Variants in ATP13A5 observed in about 807,000 individuals in gnomAD.
The protein encoded by ATP13A5 is ATPase 13A5, also known as probable cation-transporting ATPase 13A5.
A neutral mutation model predicts 150.2 loss-of-function variants in ATP13A5; 149 were observed. The ratio of observed to expected loss-of-function variants is 0.99; its 90% CI spans 0.87 to 1.14. The LOEUF is 1.14. ATP13A5 is among the 50% of genes most tolerant of loss of function. The probability of loss-of-function intolerance (pLI) is 0.00; values close to 1 mark genes in which losing one functional copy is unlikely to be tolerated. For missense variants in ATP13A5, 1,383 were observed against 1,449.3 expected (o/e 0.95, Z 0.74); for synonymous variants, 497 against 522.2 (o/e 0.95, Z 0.66).
rs1404870008 is a variant in ATP13A5, at chr3:193,333,137, T to TCA, written c.1272+612_1272+613insTG. On this transcript the variant is annotated intron_variant, in intron 11 of 29. Transcript: ENST00000342358. ...AATATTCACTGCCCACCTCTCTCTC[T>TCA]CTCACACACACACACACACAAACAC... 9.8e-3 allele frequency among the ~76,000 whole-genome samples: 1,478 copies of TCA among 150,880 alleles called. 22 individuals carry two copies. The highest frequency in any genetic ancestry group is 0.035 in the African/African-American group (1,420 of 40,810).
intron 17 of ATP13A5, 58 bp downstream of exon 17, chr3:193,318,933 A>T: frequency 8.3e-7 from 1 of 1,205,608 alleles, no homozygotes; most frequent in South Asian, 1.2e-5. Context: ...GTTCATCTCC[A>T]GGACTCGCAC....
intron 25 of ATP13A5, among the ~76,000 whole-genome samples, chr3:193,298,464 G>A (rs1378006519): frequency 6.6e-6 from 1 of 151,982 alleles, no homozygotes; most frequent in African/African-American, 2.4e-5. Flanking sequence ...AATTCTCAAG[G>A]TTATTAATAT....
intron 17 of ATP13A5, among the ~76,000 whole-genome samples, chr3:193,316,388 A>T (rs1366519100): frequency 2.0e-5 from 3 of 152,128 alleles, no homozygotes; most frequent in Non-Finnish European, 4.4e-5. Context: ...AATTAAAAAC[A>T]TTCTATTTTT....
At chr3:193,343,021 T>A (rs1712188556) in intron 9 of ATP13A5, among the ~76,000 whole-genome samples, 1 of 152,192 alleles carries the variant, frequency 6.6e-6, no homozygotes. Context: ...TTAACTACAT[T>A]TTCTTGTCTC....
chr3:193,374,299 CACAGAGAG>C (rs1210866572), intron 1 of ATP13A5, among the ~76,000 whole-genome samples: 105 of 116,074 alleles, frequency 9.0e-4, no homozygotes, highest in African/African-American at 3.3e-3. Context: ...CACACACACA[CACAGAGAG>C]AGAGAGAGGA....
chr3:193,321,852 A>C lies in ATP13A5; in HGVS notation c.1759-15T>G. ...TCCACTGGACTCTGCAAGCCCATCA[A>C]CAACAGGGAGCTTAACAAGCTGCTA... On this transcript the variant is annotated splice_polypyrimidine_tract_variant and intron_variant, in intron 15 of 29. Transcript: ENST00000342358. The C allele has an allele frequency of 2.5e-6, 4 of 1,611,464 alleles. No individual in the cohort carries two copies. Among genetic ancestry groups the C allele is most frequent in the Non-Finnish European group, 3.4e-6 (4 of 1,178,166 alleles).
chr3:193,341,363 G>C (rs1167953225), intron 9 of ATP13A5, among the ~76,000 whole-genome samples: 1 of 152,120 alleles, frequency 6.6e-6, no homozygotes, highest in Non-Finnish European at 1.5e-5. Flanking sequence ...TAAGAACAAA[G>C]TTTTTCTGCT....
intron 26 of ATP13A5, among the ~76,000 whole-genome samples, chr3:193,286,710 A>T (rs1214423778): frequency 6.6e-6 from 1 of 152,130 alleles, no homozygotes; most frequent in Non-Finnish European, 1.5e-5. Context: ...TAATATCGAA[A>T]TCTGTTCAAT....
chr3:193,345,164 T>A (rs748528327), intron 7 of ATP13A5, 89 bp from the exon 8 acceptor site: 20 of 1,261,892 alleles, frequency 1.6e-5, no homozygotes, highest in Non-Finnish European at 2.2e-5. Context: ...AGGCCAGCTG[T>A]CACAGCTAAA....
intron 22 of ATP13A5, chr3:193,307,036 T>G (rs1267618606): frequency 5.7e-6 from 5 of 872,220 alleles, no homozygotes; most frequent in Admixed American, 6.2e-5. Flanking sequence ...CAGGAAAGAT[T>G]TAAAGCAGAT....
chr3:193,284,731 T>G (rs1408878720), intron 27 of ATP13A5, among the ~76,000 whole-genome samples, 183 bp downstream of exon 27: 3 of 152,232 alleles, frequency 2.0e-5, no homozygotes, highest in African/African-American at 4.8e-5. Flanking sequence ...TGTGCTTATC[T>G]GCAAACAAGC....
intron 20 of ATP13A5, among the ~76,000 whole-genome samples, chr3:193,311,031 A>G (rs1008731917): frequency 1.3e-5 from 2 of 152,240 alleles, no homozygotes; most frequent in South Asian, 2.1e-4. Context: ...GAGGAAACAC[A>G]GTTCTTTCCT....
Position 193,327,015 on chromosome 3 carries a change from C to G in ATP13A5, c.1504G>C (p.Val502Leu). 1.2e-6 allele frequency: 2 copies of G among 1,613,570 alleles called. No homozygotes were observed. Among genetic ancestry groups the G allele is most frequent in the Non-Finnish European group, 1.7e-6 (2 of 1,179,870 alleles). The change falls in exon 13 of 30, where the codon GTC becomes CTC. Residue 502 changes from valine (V) to leucine (L), a missense_variant. Physicochemically the swap from Val to Leu is conservative, Grantham distance 32. Around this residue, in one of 3 missense-constraint regions of ATP13A5, gnomAD observed 787 missense variants for 771.9 expected, o/e 1.02. Coordinates refer to ENST00000342358, the MANE Select transcript of ATP13A5 (RefSeq NM_198505.4). ...GCCTACCAGTTGTCAGCAGTAGGGACAGTCCCCCAGAGGTCCAGCCCATCT... is the reference window on the plus strand; with the variant it reads ...GCCTACCAGTTGTCAGCAGTAGGGAGAGTCCCCCAGAGGTCCAGCCCATCT... ...TEDGLDLWGT[V>L]PTADNCFQEA...
chr3:193,369,810 T>G, intron 1 of ATP13A5, among the ~76,000 whole-genome samples: 1 of 152,146 alleles, frequency 6.6e-6, no homozygotes, highest in East Asian at 1.9e-4. Context: ...ATCTCTGTAC[T>G]TAGGGGAATA....
chr3:193,333,000 C>G (rs1418003336), intron 11 of ATP13A5, among the ~76,000 whole-genome samples: 1 of 152,142 alleles, frequency 6.6e-6, no homozygotes, highest in East Asian at 1.9e-4. Context: ...GTGGGCCTCT[C>G]TTGACCCAGA....
intron 5 of ATP13A5, among the ~76,000 whole-genome samples, chr3:193,358,740 G>A (rs1712888087): frequency 1.3e-5 from 2 of 152,192 alleles, no homozygotes; most frequent in Non-Finnish European, 1.5e-5. Context: ...CTCCATGTGA[G>A]CTAAGTGAGG....
intron 18 of ATP13A5, 134 bp from the exon 19 acceptor site, chr3:193,314,327 C>A: frequency 1.0e-6 from 1 of 974,554 alleles, no homozygotes. Flanking sequence ...TTATCTTCCT[C>A]TCTGCTGTAG....
chr3:193,311,230 G>C (rs898717702), intron 20 of ATP13A5, among the ~76,000 whole-genome samples: 1 of 152,126 alleles, frequency 6.6e-6, no homozygotes, highest in Non-Finnish European at 1.5e-5. Flanking sequence ...AGATTCTGTG[G>C]ACTTTGACTG....
At chr3:193,315,127 G>A in intron 17 of ATP13A5, 31 bp from the exon 18 acceptor site, 1 of 1,594,220 alleles carries the variant, frequency 6.3e-7, no homozygotes, top group African/African-American at 1.3e-5. Flanking sequence ...CAATATTAAA[G>A]TATATCTACG....
Sources: allele counts gnomAD v4.1 joint callset (sites outside exome capture counted in the v4.1 genomes callset), GRCh38; gene constraint gnomAD v4.1.1; regional missense constraint gnomAD v4.1.1; transcripts MANE v1.5; gene names NCBI Gene and HGNC (gene_info 2026-07-23, HGNC 2026-07-21).